Variants in TFCP2L1 observed in about 807,000 individuals in gnomAD.
TFCP2L1 encodes the protein transcription factor CP2 like 1, also known as transcription factor CP2-like protein 1.
In TFCP2L1, 12 loss-of-function variants were observed where a neutral mutation model predicts 72.2. The observed-to-expected ratio is 0.17, with a 90% confidence interval of 0.11 to 0.27. The LOEUF (loss-of-function observed/expected upper bound fraction) is 0.27, where lower values mean the gene tolerates loss of function less well. TFCP2L1 is among the 10% of genes least tolerant of loss of function. The probability of loss-of-function intolerance (pLI) is 1.00; values close to 1 mark genes in which losing one functional copy is unlikely to be tolerated. For missense variants in TFCP2L1, 488 were observed against 624.6 expected, an observed-to-expected ratio of 0.78 and a Z score of 2.33; for synonymous variants, 260 against 251.0, an observed-to-expected ratio of 1.04 and a Z score of -0.34.
rs1226303710 is a variant in TFCP2L1, at chr2:121,255,971, T to TG, written c.215-6325_215-6324insC. On this transcript the variant is annotated intron_variant, in intron 2 of 14. Coordinates refer to ENST00000263707, the MANE Select transcript of TFCP2L1 (RefSeq NM_014553.3). ...GTTAGCCAGGATGGTCTCGATCTCC[T>TG]ACCTCGTGATCCACCCACCTCGGCC... Among the ~76,000 whole-genome samples, 48 of 152,236 alleles carry TG rather than the reference T, an allele frequency of 3.2e-4. No homozygotes were observed. The East Asian group carries it at 8.7e-3, about 28-fold the overall frequency.
intron 2 of TFCP2L1, among the ~76,000 whole-genome samples, chr2:121,254,289 G>T (rs1483044796): frequency 6.6e-6 from 1 of 152,174 alleles, no homozygotes; most frequent in Non-Finnish European, 1.5e-5. Flanking sequence ...ATCCTCTGGA[G>T]TACATCAAAC....
rs1047604530 is a variant in TFCP2L1 at position 121,269,448 on chromosome 2, AAAC to A, written c.214+11669_214+11671del. On this transcript the variant is annotated intron_variant, in intron 2 of 14. Transcript: ENST00000263707. ...GGGTGACAGAGGTGAGACCCTGTCA[AAAC>A]AACAACAACAAAAAAACTTTTATTA... 2.5e-4 allele frequency among the ~76,000 whole-genome samples: 38 copies of A among 151,402 alleles called. 1 individual carries two copies. Among genetic ancestry groups the A allele is most frequent in the Admixed American group, 1.4e-3 (22 of 15,248 alleles).
intron 1 of TFCP2L1, among the ~76,000 whole-genome samples, chr2:121,284,395 G>A (rs1187031105): frequency 4.6e-5 from 7 of 152,206 alleles, no homozygotes; most frequent in African/African-American, 1.7e-4. Context: ...GGCCTGTGGG[G>A]AACTGTGCAA....
chr2:121,246,215 A>G (rs1367400622), intron 6 of TFCP2L1, among the ~76,000 whole-genome samples: 2 of 152,234 alleles, frequency 1.3e-5, no homozygotes, highest in Non-Finnish European at 2.9e-5. Flanking sequence ...CAGGACACTG[A>G]GCTCTATCGT....
chr2:121,249,473 C>A, intron 3 of TFCP2L1, 98 bp downstream of exon 3: 1 of 1,156,530 alleles, frequency 8.6e-7, no homozygotes, highest in Non-Finnish European at 1.3e-6. Flanking sequence ...CTCTCCCTAA[C>A]CTTCCAGCTA....
rs200414021 is a variant in TFCP2L1 at position 121,242,387 on chromosome 2, G to A, written c.740C>T (p.Pro247Leu). ...RTAQEKEKYQ[P>L]SYETTILTEC... ...TGTGAGGATGGTGGTTTCATAGGACGGCTGGTATTTCTCCTTCTCTTGGGC... is the reference window on the plus strand; with the variant it reads ...TGTGAGGATGGTGGTTTCATAGGACAGCTGGTATTTCTCCTTCTCTTGGGC... Residue 247 changes from proline (P) to leucine (L), a missense_variant, in exon 7 of 15, where the codon CCG becomes CTG. Physicochemically the swap from Pro to Leu is moderately conservative, Grantham distance 98. Around this residue, in one of 3 missense-constraint regions of TFCP2L1, gnomAD observed 286 missense variants for 329.0 expected, o/e 0.87. Coordinates refer to ENST00000263707, the MANE Select transcript of TFCP2L1 (RefSeq NM_014553.3). 7.4e-6 allele frequency: 12 copies of A among 1,614,186 alleles called. No homozygotes were observed. The highest frequency in any genetic ancestry group is 3.3e-5 in the Admixed American group (2 of 60,026).
chr2:121,282,548 C>G (rs1347229626), intron 1 of TFCP2L1, among the ~76,000 whole-genome samples: 1 of 148,790 alleles, frequency 6.7e-6, no homozygotes, highest in African/African-American at 2.5e-5. Context: ...AAGAAAGAAA[C>G]AAAAAACCCA....
intron 2 of TFCP2L1, among the ~76,000 whole-genome samples, chr2:121,272,356 A>G (rs1419319941): frequency 1.3e-5 from 2 of 152,242 alleles, no homozygotes; most frequent in East Asian, 3.8e-4. Context: ...CAGGTAATAC[A>G]AACCCTCCTT....
At chr2:121,233,916 A>T (rs1573361108) in intron 12 of TFCP2L1, among the ~76,000 whole-genome samples, 175 bp downstream of exon 12, 1 of 152,382 alleles carries the variant, frequency 6.6e-6, no homozygotes, top group East Asian at 1.9e-4. Flanking sequence ...CCACGAGGTC[A>T]GACCATGCAC....
chr2:121,245,822 C>T (rs1465156973), intron 6 of TFCP2L1, among the ~76,000 whole-genome samples: 1 of 152,180 alleles, frequency 6.6e-6, no homozygotes, highest in Non-Finnish European at 1.5e-5. Context: ...CACATCCGTT[C>T]CAAGCATGGG....
At chr2:121,231,230 A>G (rs1184160792) in intron 13 of TFCP2L1, among the ~76,000 whole-genome samples, 3 of 152,216 alleles carry the variant, frequency 2.0e-5, no homozygotes, top group East Asian at 1.9e-4. Context: ...ACAAACTTAA[A>G]AGCCTCTGTT....
chr2:121,264,829 T>TA (rs1686898313), intron 2 of TFCP2L1, among the ~76,000 whole-genome samples: 1 of 152,102 alleles, frequency 6.6e-6, no homozygotes, highest in Admixed American at 6.5e-5. Context: ...CACTAAACAA[T>TA]AAATAACAAC....
At chr2:121,244,691 G>A (rs1686445411) in intron 6 of TFCP2L1, among the ~76,000 whole-genome samples, 1 of 152,136 alleles carries the variant, frequency 6.6e-6, no homozygotes, top group Admixed American at 6.6e-5. Flanking sequence ...CTCTCCTACT[G>A]CCCAGCACAG....
chr2:121,240,349 GA>G (rs1366842321), intron 7 of TFCP2L1: 1 of 985,434 alleles, frequency 1.0e-6, no homozygotes, highest in East Asian at 1.1e-4. Flanking sequence ...GTCTGCTGGA[GA>G]AAGTCTATCC....
chr2:121,262,470 AT>A (rs1318246714), intron 2 of TFCP2L1, among the ~76,000 whole-genome samples: 2 of 152,336 alleles, frequency 1.3e-5, no homozygotes, highest in African/African-American at 4.8e-5. Context: ...TCTCAAAAAA[AT>A]AAAACAAAAT....
At chr2:121,246,668 G>T in intron 6 of TFCP2L1, 150 bp downstream of exon 6, 2 of 995,668 alleles carry the variant, frequency 2.0e-6, no homozygotes, top group Non-Finnish European at 2.9e-6. Context: ...AAGCTCGTGT[G>T]CATTAGAAGC....
chr2:121,244,595 C>G (rs1393090513), intron 6 of TFCP2L1, among the ~76,000 whole-genome samples: 3 of 152,178 alleles, frequency 2.0e-5, no homozygotes, highest in Non-Finnish European at 4.4e-5. Context: ...GGTTGAGGAG[C>G]CTGGTAGACA....
chr2:121,268,622 T>C (rs536174949), intron 2 of TFCP2L1, among the ~76,000 whole-genome samples: 2 of 152,110 alleles, frequency 1.3e-5, no homozygotes, highest in African/African-American at 4.8e-5. Flanking sequence ...AGGTAAGTGT[T>C]ATGCCTATTT....
intron 2 of TFCP2L1, among the ~76,000 whole-genome samples, chr2:121,256,633 C>A (rs1030233057): frequency 6.6e-6 from 1 of 151,904 alleles, no homozygotes. Flanking sequence ...AAAAATTAGC[C>A]GGGCATGGTG....
Sources: gnomAD v4.1 joint callset for allele counts (sites outside exome capture counted in the v4.1 genomes callset) on GRCh38, gnomAD v4.1.1 for gene constraint, gnomAD v4.1.1 regional missense constraint, MANE v1.5 for transcripts, NCBI Gene and HGNC (gene_info 2026-07-23, HGNC 2026-07-21) for gene names.